Variants in NUGGC observed in about 807,000 individuals in gnomAD.
NUGGC encodes the protein nuclear GTPase, germinal center associated.
In NUGGC, 58 loss-of-function variants were observed where a neutral mutation model predicts 92.6. The ratio of observed to expected loss-of-function variants is 0.63; its 90% CI spans 0.51 to 0.78. The LOEUF (loss-of-function observed/expected upper bound fraction) is 0.78. NUGGC is among the 30% of genes least tolerant of loss of function. NUGGC has a pLI of 0.00. For missense variants in NUGGC, 925 were observed against 964.6 expected (o/e 0.96, Z 0.54); for synonymous variants, 376 against 366.4 (o/e 1.03, Z -0.30).
intron 12 of NUGGC, among the ~76,000 whole-genome samples, chr8:28,045,053 A>G (rs887806298): frequency 6.6e-6 from 1 of 152,200 alleles, no homozygotes; most frequent in Non-Finnish European, 1.5e-5. Context: ...TTGAAACTCT[A>G]CTGAAATTCC....
At position 28,070,204 on chromosome 8, in the gene NUGGC, T is replaced by C. The variant is rs972358514; in HGVS notation, c.148+48A>G. The C allele has an allele frequency of 2.7e-6, 4 of 1,509,342 alleles. No homozygotes were observed. The South Asian group carries it at 3.8e-5, about 14-fold the overall frequency. 93.5% of individuals were successfully genotyped at this position (1,509,342 alleles called of 1,614,324 possible). On this transcript the variant is annotated intron_variant, in intron 3 of 18. Coordinates refer to ENST00000413272, the MANE Select transcript of NUGGC (RefSeq NM_001010906.2). ...TCTTCCTTTGACCATTTTAACATAC[T>C]TGGAACAGAACCGAACCATGTTAAA... is the stretch of plus-strand genomic sequence containing the variant.
intron 16 of NUGGC, among the ~76,000 whole-genome samples, chr8:28,030,020 G>T (rs1809374311): frequency 6.6e-6 from 1 of 152,058 alleles, no homozygotes; most frequent in Non-Finnish European, 1.5e-5. Context: ...GTGAATACTT[G>T]GAAACAAAAA....
At chr8:28,058,413 C>G (rs1465459564) in intron 8 of NUGGC, 137 bp from the exon 9 acceptor site, 1 of 196,830 alleles carries the variant, frequency 5.1e-6, no homozygotes, top group Non-Finnish European at 1.1e-5. Context: ...ACCCAATGCT[C>G]TCTCTTCTGA....
intron 7 of NUGGC, 103 bp from the exon 8 acceptor site, chr8:28,060,704 C>A (rs1810282356): frequency 1.0e-6 from 1 of 958,040 alleles, no homozygotes; most frequent in Admixed American, 2.7e-5. Flanking sequence ...CCAGTCCCAC[C>A]CCTCACCGCT....
At chr8:28,079,857 T>C (rs1033306832) in intron 1 of NUGGC, among the ~76,000 whole-genome samples, 2 of 152,224 alleles carry the variant, frequency 1.3e-5, no homozygotes, top group Non-Finnish European at 2.9e-5. Context: ...CTTGATAGAA[T>C]TGTATGCAGG....
chr8:28,073,943 C>T (rs550243190), intron 2 of NUGGC, among the ~76,000 whole-genome samples: 2 of 152,134 alleles, frequency 1.3e-5, no homozygotes, highest in East Asian at 3.9e-4. Context: ...GGACTACAGG[C>T]ACACACCACC....
At chr8:28,066,301 T>C (rs990935955) in intron 6 of NUGGC, among the ~76,000 whole-genome samples, 2 of 152,222 alleles carry the variant, frequency 1.3e-5, no homozygotes, top group Non-Finnish European at 1.5e-5. Flanking sequence ...CTGTATTTGT[T>C]TGATTTTCCA....
chr8:28,067,818 GC>G, intron 5 of NUGGC, 74 bp from the exon 6 acceptor site: 4 of 1,189,918 alleles, frequency 3.4e-6, no homozygotes. Context: ...GGGGCCCATT[GC>G]CCCCTGTGGA....
intron 1 of NUGGC, among the ~76,000 whole-genome samples, chr8:28,075,842 T>C (rs1177145854): frequency 1.3e-5 from 2 of 152,216 alleles, no homozygotes; most frequent in African/African-American, 4.8e-5. Flanking sequence ...GGTAGAGCTC[T>C]TTCCCTCTCC....
chr8:28,069,707 G>A, intron 3 of NUGGC, 55 bp from the exon 4 acceptor site: 1 of 932,804 alleles, frequency 1.1e-6, no homozygotes, highest in East Asian at 2.4e-5. Context: ...TAAAGTACTA[G>A]GTCTCCAAAG....
At chr8:28,074,536 T>G (rs1347441625) in intron 1 of NUGGC, 80 bp from the exon 2 acceptor site, 4 of 877,108 alleles carry the variant, frequency 4.6e-6, no homozygotes, top group Non-Finnish European at 7.4e-6. Context: ...TGTGTCAGTC[T>G]GCTTGTGCGG....
intron 16 of NUGGC, among the ~76,000 whole-genome samples, chr8:28,029,856 C>T (rs1343584847): frequency 6.6e-6 from 1 of 152,104 alleles, no homozygotes; most frequent in African/African-American, 2.4e-5. Flanking sequence ...AAAAATAACA[C>T]TTTATATGTT....
intron 16 of NUGGC, 103 bp from the exon 17 acceptor site, chr8:28,029,505 T>G: frequency 8.5e-4 from 1,030 of 1,216,884 alleles, no homozygotes; most frequent in Non-Finnish European, 1.0e-3. Flanking sequence ...TCCCAGCGCT[T>G]TGGGAGGCTG....
intron 18 of NUGGC, 41 bp from the exon 19 acceptor site, chr8:28,023,503 G>A (rs367835492): frequency 1.1e-4 from 172 of 1,581,372 alleles, no homozygotes; most frequent in Admixed American, 2.0e-4. Flanking sequence ...CTTGGTGTCC[G>A]TTGCAGAAAC....
rs771169716 is a variant in NUGGC, at chr8:28,038,175, G to A, written c.1611+2876C>T. On this transcript the variant is annotated intron_variant, in intron 13 of 18. Transcript: ENST00000413272. ...CTTCAGTTAGGGACTCTGATTTGCA[G>A]CCAAAAGATTCCAGCCTGCCACAGC... Among the ~76,000 whole-genome samples, 5 of 152,110 alleles carry A rather than the reference G, an allele frequency of 3.3e-5. 1 individual carries two copies. The highest frequency in any genetic ancestry group is 7.4e-5 in the Non-Finnish European group (5 of 68,016).
intron 2 of NUGGC, among the ~76,000 whole-genome samples, chr8:28,071,459 G>C (rs1810588488): frequency 1.3e-5 from 2 of 152,182 alleles, no homozygotes; most frequent in African/African-American, 4.8e-5. Context: ...GAGTTTGGAT[G>C]GATGCCCTTC....
Position 28,023,357 on chromosome 8 carries a change from GCC to G in NUGGC, c.2349_2350del (p.Arg783SerfsTer19). 6.2e-7 allele frequency: 1 copy of G among 1,613,938 alleles called. No individual in the cohort carries two copies. The highest frequency in any genetic ancestry group is 8.5e-7 in the Non-Finnish European group (1 of 1,179,852). On this transcript the variant is annotated frameshift_variant, in exon 19 of 19. Coordinates refer to ENST00000413272, the MANE Select transcript of NUGGC (RefSeq NM_001010906.2). LOFTEE classifies it high-confidence loss of function. ...GGGGGGGCCAGCCTTGCTGGGGGAT[GCC>G]CTTAGGAGGAATTCTTGCATGCCCT...
At chr8:28,069,261 T>C (rs1810524660) in intron 4 of NUGGC, among the ~76,000 whole-genome samples, 1 of 152,152 alleles carries the variant, frequency 6.6e-6, no homozygotes, top group African/African-American at 2.4e-5. Context: ...CATCTGGGCC[T>C]CTCTGAGCCT....
chr8:28,070,463 G>T, intron 2 of NUGGC, 107 bp from the exon 3 acceptor site: 1 of 615,744 alleles, frequency 1.6e-6, no homozygotes, highest in East Asian at 2.9e-5. Context: ...CTGGCTGGGT[G>T]CAGTGGCTCA....
Sources: gnomAD v4.1 joint callset for allele counts (sites outside exome capture counted in the v4.1 genomes callset) on GRCh38, gnomAD v4.1.1 for gene constraint, MANE v1.5 for transcripts, NCBI Gene and HGNC (gene_info 2026-07-23, HGNC 2026-07-21) for gene names.